ZDHHC15: variants seen among roughly 807,000 people sequenced by gnomAD.
The protein encoded by ZDHHC15 is palmitoyltransferase ZDHHC15.
In ZDHHC15, 19 loss-of-function variants were observed where a neutral mutation model predicts 31.7. The observed-to-expected ratio is 0.60, with a 90% CI of 0.42 to 0.88. ZDHHC15 has a LOEUF of 0.88. ZDHHC15 is among the 40% of genes least tolerant of loss of function. The pLI, the probability that ZDHHC15 is intolerant of heterozygous loss-of-function variation, is 0.00. For synonymous variants in ZDHHC15, 103 were observed against 90.0 expected (o/e 1.14, Z -0.82); for missense variants, 209 against 251.2 (o/e 0.83, Z 1.14).
intron 2 of ZDHHC15, 32 bp downstream of exon 2, chrX:75,505,789 C>T (rs780795066): frequency 8.3e-7 from 1 of 1,207,172 alleles, no homozygotes; most frequent in East Asian, 3.0e-5. Flanking sequence ...AGGACACGGT[C>T]CTGATCAATA....
intron 4 of ZDHHC15, among the ~76,000 whole-genome samples, chrX:75,435,976 C>CT (rs1212227896): frequency 9.0e-6 from 1 of 110,853 alleles, no homozygotes; most frequent in Non-Finnish European, 1.9e-5. Context: ...TGGCCCTGGA[C>CT]TTTTTTTTGT....
intron 3 of ZDHHC15, among the ~76,000 whole-genome samples, chrX:75,466,026 A>C (rs1358070801): frequency 2.7e-5 from 3 of 111,752 alleles, no homozygotes; most frequent in African/African-American, 6.5e-5. Context: ...AATGGGAGGA[A>C]AGTTTTACAA....
chrX:75,397,305 C>T (rs986511283), intron 10 of ZDHHC15, among the ~76,000 whole-genome samples: 1 of 97,608 alleles, frequency 1.0e-5, no homozygotes, highest in Non-Finnish European at 2.1e-5. Context: ...ACAGCCTGGG[C>T]AACAGAGTGA....
intron 3 of ZDHHC15, among the ~76,000 whole-genome samples, chrX:75,454,075 A>G (rs2084173502): frequency 9.0e-6 from 1 of 111,627 alleles, no homozygotes; most frequent in Non-Finnish European, 1.9e-5. Flanking sequence ...AGAGTATTCA[A>G]ATAGGAAAAG....
Position 75,423,386 on chromosome X carries a change from A to T in ZDHHC15, c.736+1266T>A, listed in dbSNP as rs1602601381. On this transcript the variant is annotated intron_variant, in intron 8 of 11. Transcript: ENST00000373367. The stretch of plus-strand genomic sequence containing the variant: ...AGTAGGCCCCAGTGTCTGTTGTTCC[A>T]TTCTTTGTGTTTACGTGTACTCAGT... 2.8e-5 allele frequency among the ~76,000 whole-genome samples: 3 copies of T among 105,981 alleles called. 1 individual carries two copies. The Admixed American group carries it at 3.1e-4, about 11-fold the overall frequency. The allele number at this position is 105,981 out of a possible 115,157, so 92.0% of individuals were successfully genotyped here.
At chrX:75,410,578 C>A (rs761773792) in intron 10 of ZDHHC15, among the ~76,000 whole-genome samples, 1 of 111,322 alleles carries the variant, frequency 9.0e-6, no homozygotes, top group Admixed American at 9.6e-5. Context: ...TAAAATAAGA[C>A]CGTGAATAAT....
intron 2 of ZDHHC15, among the ~76,000 whole-genome samples, chrX:75,492,822 G>A (rs1438384072): frequency 9.0e-6 from 1 of 111,708 alleles, no homozygotes; most frequent in South Asian, 3.8e-4. Flanking sequence ...GCCCACAAGA[G>A]AAAGCAGGAA....
At chrX:75,470,794 C>G (rs953225305) in intron 3 of ZDHHC15, among the ~76,000 whole-genome samples, 5 of 111,539 alleles carry the variant, frequency 4.5e-5, no homozygotes, top group African/African-American at 1.6e-4. Flanking sequence ...TGGCAGAATC[C>G]CCACAATGGC....
At chrX:75,441,921 C>T (rs1013705175) in intron 4 of ZDHHC15, among the ~76,000 whole-genome samples, 2 of 111,120 alleles carry the variant, frequency 1.8e-5, no homozygotes, top group Admixed American at 9.6e-5. Context: ...CCACACCCGG[C>T]CACCCTGTGG....
intron 3 of ZDHHC15, among the ~76,000 whole-genome samples, chrX:75,471,828 G>A (rs1240320326): frequency 9.0e-6 from 1 of 111,553 alleles, no homozygotes; most frequent in Non-Finnish European, 1.9e-5. Flanking sequence ...CCTTTGGCAG[G>A]CTCCCACAGG....
intron 1 of ZDHHC15, among the ~76,000 whole-genome samples, chrX:75,516,355 C>A (rs2085356275): frequency 8.9e-6 from 1 of 111,948 alleles, no homozygotes. Context: ...GCTACAGTAA[C>A]CAAAACAGTA....
intron 9 of ZDHHC15, among the ~76,000 whole-genome samples, chrX:75,418,248 T>C (rs2083571836): frequency 8.9e-6 from 1 of 111,743 alleles, no homozygotes; most frequent in Non-Finnish European, 1.9e-5. Flanking sequence ...CATGAGTCTT[T>C]AAAATACTAA....
At position 75,520,127 on chromosome X, in the gene ZDHHC15, A is replaced by C. The variant is rs1254192274; in HGVS notation, c.136+2762T>G. Reference sequence around the variant, plus strand: ...TTCCTCAGTTTACAAACAAGTAATGATAGTATATACATTGGAAAGTTGTTA... The same window carrying C: ...TTCCTCAGTTTACAAACAAGTAATGCTAGTATATACATTGGAAAGTTGTTA... On this transcript the variant is annotated intron_variant, in intron 1 of 11. Coordinates refer to ENST00000373367, the MANE Select transcript of ZDHHC15 (RefSeq NM_144969.3). Among the ~76,000 whole-genome samples, 3 of 112,185 alleles carry C rather than the reference A, an allele frequency of 2.7e-5. No homozygotes were observed. In the Admixed American group the frequency reaches 2.9e-4, roughly 11 times the overall value.
intron 4 of ZDHHC15, among the ~76,000 whole-genome samples, chrX:75,441,767 G>C (rs2083944867): frequency 9.2e-6 from 1 of 109,162 alleles, no homozygotes. Context: ...GGGATTACAG[G>C]CACCCGCCAC....
intron 3 of ZDHHC15, among the ~76,000 whole-genome samples, chrX:75,452,376 C>A (rs776193669): frequency 1.8e-5 from 2 of 110,822 alleles, no homozygotes; most frequent in East Asian, 2.8e-4. Context: ...ACAGGAGCAC[C>A]CAGATTCATA....
chrX:75,377,515 A>ATG (rs1205779863), intron 11 of ZDHHC15, among the ~76,000 whole-genome samples: 1 of 109,331 alleles, frequency 9.1e-6, no homozygotes, highest in Non-Finnish European at 1.9e-5. Flanking sequence ...ATATATATAT[A>ATG]TGTATATATG....
At chrX:75,376,102 A>G (rs1389868961) in intron 11 of ZDHHC15, among the ~76,000 whole-genome samples, 1 of 110,808 alleles carries the variant, frequency 9.0e-6, no homozygotes, top group Non-Finnish European at 1.9e-5. Context: ...AGCCATTCTG[A>G]CTGGTGTGAG....
intron 2 of ZDHHC15, among the ~76,000 whole-genome samples, chrX:75,489,966 G>A (rs779498643): frequency 1.2e-4 from 13 of 111,975 alleles, no homozygotes; most frequent in African/African-American, 3.2e-4. Flanking sequence ...TAGCCGATTC[G>A]ATCAACTGGA....
At chrX:75,379,429 T>A (rs1240269270) in intron 10 of ZDHHC15, among the ~76,000 whole-genome samples, 3 of 112,429 alleles carry the variant, frequency 2.7e-5, no homozygotes, top group Non-Finnish European at 5.6e-5. Context: ...ATCTGATCTA[T>A]AATACTGGCT....
Sources: allele counts gnomAD v4.1 joint callset (sites outside exome capture counted in the v4.1 genomes callset), GRCh38; gene constraint gnomAD v4.1.1; transcripts MANE v1.5; gene names NCBI Gene and HGNC (gene_info 2026-07-23, HGNC 2026-07-21).